The following CHST9 variants were observed in gnomAD, a reference collection of about 807,000 sequenced individuals.
The protein encoded by CHST9 is GalNAc-4-sulfotransferase 2.
In CHST9, 41 loss-of-function variants were observed where a neutral mutation model predicts 44.4. That is an observed-to-expected ratio of 0.92 (90% CI 0.72 to 1.20). The LOEUF (loss-of-function observed/expected upper bound fraction) is 1.20, where lower values mean the gene tolerates loss of function less well. Among genes scored for constraint, CHST9 ranks in the 50% most tolerant of loss-of-function variants. CHST9 has a pLI of 0.00. For missense variants in CHST9, 504 were observed against 516.5 expected (o/e 0.98, Z 0.23); for synonymous variants, 171 against 178.4 (o/e 0.96, Z 0.33).
intron 4 of CHST9, among the ~76,000 whole-genome samples, chr18:26,947,056 A>T (rs1469446856): frequency 6.6e-6 from 1 of 152,190 alleles, no homozygotes; most frequent in Non-Finnish European, 1.5e-5. Flanking sequence ...TTCTGTGAAG[A>T]AAGTCAATGG....
intron 2 of CHST9, among the ~76,000 whole-genome samples, chr18:27,102,955 T>C (rs2058188043): frequency 6.6e-6 from 1 of 152,184 alleles, no homozygotes; most frequent in African/African-American, 2.4e-5. Flanking sequence ...TAATGGGCCA[T>C]TTGTTTGTCA....
intron 4 of CHST9, among the ~76,000 whole-genome samples, chr18:27,013,364 T>G (rs1315378537): frequency 1.3e-5 from 2 of 152,246 alleles, no homozygotes; most frequent in Non-Finnish European, 2.9e-5. Context: ...TTATTTACCT[T>G]TCTACTATTG....
intron 1 of CHST9, among the ~76,000 whole-genome samples, chr18:27,161,511 GA>G (rs1172309043): frequency 9.2e-5 from 14 of 152,148 alleles, no homozygotes; most frequent in Admixed American, 7.9e-4. Flanking sequence ...TACATTTGCT[GA>G]GAAGTGCTTT....
At chr18:26,927,153 G>A (rs559312881) in intron 5 of CHST9, among the ~76,000 whole-genome samples, 1 of 152,220 alleles carries the variant, frequency 6.6e-6, no homozygotes, top group East Asian at 1.9e-4. Flanking sequence ...TCTTCTTCTT[G>A]TTCTCTGGAA....
At chr18:26,972,804 G>T (rs2056567089) in intron 4 of CHST9, among the ~76,000 whole-genome samples, 1 of 152,094 alleles carries the variant, frequency 6.6e-6, no homozygotes, top group Non-Finnish European at 1.5e-5. Flanking sequence ...TCCTTGCCAC[G>T]GGCTCTGATA....
chr18:27,022,692 G>A (rs1287291756), intron 4 of CHST9, among the ~76,000 whole-genome samples: 1 of 151,990 alleles, frequency 6.6e-6, no homozygotes, highest in African/African-American at 2.4e-5. Flanking sequence ...TTCTCTACTT[G>A]CAGAAATTCC....
chr18:27,180,682 G>A (rs9947302), intron 1 of CHST9, among the ~76,000 whole-genome samples: 107,716 of 151,960 alleles, frequency 0.71, 38,374 homozygotes, highest in East Asian at 0.77. Context: ...TACCAGTGTG[G>A]CCTTTAGCAG....
At chr18:27,008,314 G>A (rs1351509675) in intron 4 of CHST9, among the ~76,000 whole-genome samples, 19 of 152,170 alleles carry the variant, frequency 1.2e-4, no homozygotes, top group Admixed American at 1.2e-3. Flanking sequence ...GGGAGATATG[G>A]AATGGTTACT....
intron 2 of CHST9, among the ~76,000 whole-genome samples, chr18:27,117,199 A>G (rs527311502): frequency 3.3e-5 from 5 of 152,244 alleles, no homozygotes; most frequent in African/African-American, 1.2e-4. Context: ...AAATATATCT[A>G]CCCTATGTCA....
intron 1 of CHST9, among the ~76,000 whole-genome samples, chr18:27,166,757 TTC>T (rs1414995106): frequency 2.0e-5 from 3 of 152,222 alleles, no homozygotes; most frequent in Non-Finnish European, 4.4e-5. Context: ...TAGGGCTTTT[TTC>T]TTTTTCAGAT....
intron 4 of CHST9, among the ~76,000 whole-genome samples, chr18:26,957,129 A>ATCAATCAAACCTGTGG (rs2056336062): frequency 6.6e-6 from 1 of 152,178 alleles, no homozygotes; most frequent in Non-Finnish European, 1.5e-5. Flanking sequence ...AAATTGCTGT[A>ATCAATCAAACCTGTGG]TCAATCAAAC....
At chr18:26,917,428 TGTTTTAAAATA>T (rs774837204) in intron 5 of CHST9, 78 bp from the exon 6 acceptor site, 202 of 1,467,548 alleles carry the variant, frequency 1.4e-4, no homozygotes, top group Non-Finnish European at 1.7e-4. Flanking sequence ...TTCACATATT[TGTTTTAAAATA>T]GTATCAAGGA....
At position 27,144,207 on chromosome 18, in the gene CHST9, T is replaced by G. The variant is rs565787355; in HGVS notation, c.-96-1302A>C. Among the ~76,000 whole-genome samples, 3 of 152,338 alleles carry G rather than the reference T, an allele frequency of 2.0e-5. No individual in the cohort carries two copies. The East Asian group carries it at 5.8e-4, about 29-fold the overall frequency. ...TTAAATGTGAAGATATCATGCACAT[T>G]GCTGCATCAAAAAGTTATCTCTTCT... On this transcript the variant is annotated intron_variant, in intron 1 of 5. Transcript: ENST00000618847.
chr18:27,072,819 G>T (rs537720890), intron 2 of CHST9, among the ~76,000 whole-genome samples: 15 of 152,268 alleles, frequency 9.9e-5, no homozygotes, highest in African/African-American at 3.4e-4. Flanking sequence ...AAGACTTATT[G>T]GTCCAGTAGG....
intron 2 of CHST9, among the ~76,000 whole-genome samples, chr18:27,133,919 C>T (rs1228133583): frequency 6.6e-6 from 1 of 152,068 alleles, no homozygotes; most frequent in East Asian, 1.9e-4. Flanking sequence ...AGCATGTGCT[C>T]ATTTGATTAA....
chr18:26,997,624 G>T (rs182484102), intron 4 of CHST9, among the ~76,000 whole-genome samples: 45 of 152,290 alleles, frequency 3.0e-4, no homozygotes, highest in African/African-American at 1.0e-3. Flanking sequence ...TAAGGAAAGG[G>T]TTAAGATAAA....
intron 3 of CHST9, among the ~76,000 whole-genome samples, chr18:27,038,365 G>A (rs1428374354): frequency 3.9e-5 from 6 of 152,064 alleles, no homozygotes; most frequent in Non-Finnish European, 8.8e-5. Context: ...GGCCAACATG[G>A]TGAAACCCCG....
chr18:26,976,182 T>C (rs2056622126), intron 4 of CHST9, among the ~76,000 whole-genome samples: 1 of 152,074 alleles, frequency 6.6e-6, no homozygotes, highest in Non-Finnish European at 1.5e-5. Flanking sequence ...TTTATTCTGG[T>C]GCATTCTTAG....
intron 2 of CHST9, among the ~76,000 whole-genome samples, chr18:27,053,218 G>GAAGAAGAAGAAGAAGAAGAA (rs2057599065): frequency 9.3e-5 from 3 of 32,324 alleles, no homozygotes; most frequent in African/African-American, 3.0e-4. Context: ...AGGAGGAAGA[G>GAAGAAGAAGAAGAAGAAGAA]GAAGAAGAAG....
Sources: gnomAD v4.1 joint callset for allele counts (sites outside exome capture counted in the v4.1 genomes callset) on GRCh38, gnomAD v4.1.1 for gene constraint, MANE v1.5 for transcripts, NCBI Gene and HGNC (gene_info 2026-07-23, HGNC 2026-07-21) for gene names.